EPB41L4A: variants seen among roughly 807,000 people sequenced by gnomAD.
EPB41L4A encodes erythrocyte membrane protein band 4.1 like 4A, also known as band 4.1-like protein 4A.
EPB41L4A carries 100 observed loss-of-function variants against 108.6 expected under a neutral mutation model. The ratio of observed to expected loss-of-function variants is 0.92; its 90% CI spans 0.78 to 1.09. The LOEUF (loss-of-function observed/expected upper bound fraction) is 1.09. Ranked by LOEUF, EPB41L4A falls within the 50% of genes least tolerant of loss-of-function variation. The pLI, the probability that EPB41L4A is intolerant of heterozygous loss-of-function variation, is 0.00. For synonymous variants in EPB41L4A, 319 were observed against 289.0 expected, an observed-to-expected ratio of 1.10 and a Z score of -1.05; for missense variants, 1,030 against 842.7, an observed-to-expected ratio of 1.22 and a Z score of -2.75.
At chr5:112,293,143 T>G (rs1408427049) in intron 2 of EPB41L4A, among the ~76,000 whole-genome samples, 1 of 152,218 alleles carries the variant, frequency 6.6e-6, no homozygotes, top group African/African-American at 2.4e-5. Context: ...TTGACATTTC[T>G]ACCATTCCTG....
intron 12 of EPB41L4A, among the ~76,000 whole-genome samples, chr5:112,229,968 G>A (rs1217585004): frequency 4.8e-5 from 7 of 146,828 alleles, no homozygotes; most frequent in Non-Finnish European, 9.0e-5. Context: ...AGCCTGGGAG[G>A]CAGAGCTAGA....
chr5:112,393,982 C>G (rs1233533354), intron 1 of EPB41L4A, among the ~76,000 whole-genome samples: 9 of 152,086 alleles, frequency 5.9e-5, no homozygotes, highest in Non-Finnish European at 7.4e-5. Context: ...AAACCAAAGA[C>G]AAAAATCACA....
At chr5:112,246,013 T>C (rs1750187060) in intron 9 of EPB41L4A, among the ~76,000 whole-genome samples, 1 of 151,882 alleles carries the variant, frequency 6.6e-6, no homozygotes, top group Non-Finnish European at 1.5e-5. Context: ...CAATTAGAGG[T>C]GAGGAAGAAA....
chr5:112,402,151 G>T (rs1178367340), intron 1 of EPB41L4A, among the ~76,000 whole-genome samples: 1 of 152,162 alleles, frequency 6.6e-6, no homozygotes, highest in African/African-American at 2.4e-5. Context: ...CTCCCTTGCT[G>T]TTCTCATGAT....
chr5:112,313,013 T>C (rs569912551), intron 1 of EPB41L4A, among the ~76,000 whole-genome samples: 1 of 152,344 alleles, frequency 6.6e-6, no homozygotes, highest in African/African-American at 2.4e-5. Flanking sequence ...ATGAAACACA[T>C]GACTTCATTC....
At chr5:112,201,551 A>G (rs13158835) in intron 15 of EPB41L4A, among the ~76,000 whole-genome samples, 39,378 of 152,130 alleles carry the variant, frequency 0.26, 6,347 homozygotes, top group East Asian at 0.67. Context: ...CAACATGTGT[A>G]ATTATTTTAT....
Position 112,346,216 on chromosome 5 carries a change from ATTTTT to A in EPB41L4A, c.100-38731_100-38727del, listed in dbSNP as rs561328868. On this transcript the variant is annotated intron_variant, in intron 1 of 22. Transcript: ENST00000261486. Reference sequence around the variant, plus strand: ...AATTCTTTAAAGTTAGGTACATTGCATTTTTTTTTTTTTTTTTTTTTTTTTTTGAG... The same window carrying A: ...AATTCTTTAAAGTTAGGTACATTGCATTTTTTTTTTTTTTTTTTTTTTGAG... Among the ~76,000 whole-genome samples the A allele has an allele frequency of 2.7e-3, 181 of 67,348 alleles. 1 individual carries two copies. The highest frequency in any genetic ancestry group is 4.1e-3 in the South Asian group (5 of 1,232). The allele number at this position is 67,348 out of a possible 152,430, so 44.2% of individuals were successfully genotyped here.
chr5:112,386,523 C>T (rs1301556816), intron 1 of EPB41L4A, among the ~76,000 whole-genome samples: 4 of 152,096 alleles, frequency 2.6e-5, no homozygotes, highest in African/African-American at 4.8e-5. Context: ...TTCTGGGTAA[C>T]AGAATATTTC....
intron 1 of EPB41L4A, among the ~76,000 whole-genome samples, chr5:112,380,040 C>G (rs1760061453): frequency 6.6e-6 from 1 of 152,150 alleles, no homozygotes. Context: ...ATTTTCTGAG[C>G]AGATTAATCA....
chr5:112,154,772 T>C (rs565037216), intron 12 of EPB41L4A, among the ~76,000 whole-genome samples: 7 of 152,290 alleles, frequency 4.6e-5, no homozygotes, highest in Admixed American at 4.6e-4. Flanking sequence ...TGGACATAAA[T>C]TGTGCTAACA....
intron 1 of EPB41L4A, among the ~76,000 whole-genome samples, chr5:112,352,470 A>T (rs1030394630): frequency 6.6e-6 from 1 of 152,202 alleles, no homozygotes; most frequent in Non-Finnish European, 1.5e-5. Context: ...CTAAGAAGAT[A>T]TATGATATAA....
chr5:112,174,910 G>T (rs1981954), intron 18 of EPB41L4A, among the ~76,000 whole-genome samples: 114,800 of 152,046 alleles, frequency 0.76, 43,774 homozygotes, highest in East Asian at 1. Flanking sequence ...CATTCCTGAC[G>T]GGTCAAAATA....
At chr5:112,351,971 C>T (rs1432388227) in intron 1 of EPB41L4A, among the ~76,000 whole-genome samples, 1 of 152,174 alleles carries the variant, frequency 6.6e-6, no homozygotes, top group Non-Finnish European at 1.5e-5. Flanking sequence ...AAACTCTCAA[C>T]AAACTAGGCA....
rs190473534 is a variant in EPB41L4A, at chr5:112,194,450, C to A, written c.1502+118G>T. 713 of 574,246 alleles carry A rather than the reference C, an allele frequency of 1.2e-3. 10 individuals carry two copies. The Admixed American group carries it at 0.023, about 19-fold the overall frequency. The allele number at this position is 574,246 out of a possible 1,614,324, so 35.6% of individuals were successfully genotyped here. The stretch of plus-strand genomic sequence containing the variant: ...CTAAACTAAGTGCTTCAAAATAGTG[C>A]CAGATTGCTTCTCAGACTCAGATGG... On this transcript the variant is annotated intron_variant, in intron 17 of 22. Coordinates refer to ENST00000261486, the MANE Select transcript of EPB41L4A (RefSeq NM_022140.5).
At chr5:112,410,792 G>T (rs567994104) in intron 1 of EPB41L4A, among the ~76,000 whole-genome samples, 4 of 152,250 alleles carry the variant, frequency 2.6e-5, no homozygotes, top group African/African-American at 9.6e-5. Context: ...GTCTGCTGGA[G>T]GACTTCAGGA....
At chr5:112,317,474 T>G (rs776008674) in intron 1 of EPB41L4A, among the ~76,000 whole-genome samples, 1 of 152,212 alleles carries the variant, frequency 6.6e-6, no homozygotes, top group African/African-American at 2.4e-5. Flanking sequence ...AATATCTAAC[T>G]TAAAATCCTG....
intron 1 of EPB41L4A, among the ~76,000 whole-genome samples, chr5:112,384,404 G>A (rs1266512035): frequency 2.7e-5 from 4 of 150,896 alleles, no homozygotes; most frequent in African/African-American, 4.9e-5. Flanking sequence ...GAGTCCAAAG[G>A]CAAAAAGTAT....
intron 1 of EPB41L4A, among the ~76,000 whole-genome samples, chr5:112,376,345 A>T (rs905972673): frequency 6.6e-6 from 1 of 152,252 alleles, no homozygotes; most frequent in Non-Finnish European, 1.5e-5. Context: ...TATATCTAAC[A>T]GGATGGCTAA....
intron 1 of EPB41L4A, among the ~76,000 whole-genome samples, chr5:112,362,917 A>ATTT (rs5870499): frequency 4.0e-5 from 6 of 150,982 alleles, no homozygotes; most frequent in African/African-American, 1.5e-4. Context: ...GATTATTATT[A>ATTT]TTTTTTTTTA....
Sources: gnomAD v4.1 joint callset for allele counts (sites outside exome capture counted in the v4.1 genomes callset) on GRCh38, gnomAD v4.1.1 for gene constraint, MANE v1.5 for transcripts, NCBI Gene and HGNC (gene_info 2026-07-23, HGNC 2026-07-21) for gene names.